KYNU: variants seen among roughly 807,000 people sequenced by gnomAD.
The protein encoded by KYNU is L-kynurenine hydrolase.
Under a neutral mutation model 59.2 loss-of-function variants are expected in KYNU, and 54 were observed. That is an observed-to-expected ratio of 0.91 (90% CI 0.73 to 1.14). The LOEUF (loss-of-function observed/expected upper bound fraction) is 1.14. Ranked by LOEUF, KYNU falls within the 50% of genes most tolerant of loss-of-function variation. KYNU has a pLI of 0.00. For missense variants in KYNU, 567 were observed against 554.4 expected, an observed-to-expected ratio of 1.02 and a Z score of -0.23; for synonymous variants, 177 against 192.0, an observed-to-expected ratio of 0.92 and a Z score of 0.65.
intron 10 of KYNU, among the ~76,000 whole-genome samples, chr2:143,019,205 A>T (rs1686340786): frequency 6.6e-6 from 1 of 151,974 alleles, no homozygotes; most frequent in South Asian, 2.1e-4. Flanking sequence ...GCATCCTTGT[A>T]TTGTTCCTAC....
At chr2:143,005,870 T>G (rs1225120281) in intron 10 of KYNU, among the ~76,000 whole-genome samples, 1 of 152,110 alleles carries the variant, frequency 6.6e-6, no homozygotes, top group Non-Finnish European at 1.5e-5. Flanking sequence ...AGGTAAAGTT[T>G]GCTGCAGTCT....
intron 11 of KYNU, among the ~76,000 whole-genome samples, chr2:143,032,295 AAAAAAACAAAAC>A (rs1352551149): frequency 9.9e-5 from 8 of 80,886 alleles, no homozygotes; most frequent in South Asian, 4.0e-4. Flanking sequence ...AAAACAAAAA[AAAAAAACAAAAC>A]AAAAAAAACT....
chr2:142,957,744 A>G, intron 7 of KYNU, 29 bp downstream of exon 7: 1 of 1,381,164 alleles, frequency 7.2e-7, no homozygotes, highest in Non-Finnish European at 1.0e-6. Context: ...AATATTTGTC[A>G]TGCTTTGTTT....
At chr2:142,888,750 T>C (rs1009784806) in intron 2 of KYNU, among the ~76,000 whole-genome samples, 1 of 151,510 alleles carries the variant, frequency 6.6e-6, no homozygotes. Context: ...TCTTAATGTC[T>C]AAGGATTCAT....
chr2:142,983,129 G>C (rs1435246896), intron 8 of KYNU, among the ~76,000 whole-genome samples: 1,662 of 152,154 alleles, frequency 0.011, 13 homozygotes, highest in Middle Eastern at 0.02. Flanking sequence ...GCAAGTCTCA[G>C]CTGAGCTCAT....
intron 12 of KYNU, among the ~76,000 whole-genome samples, chr2:143,037,525 A>G (rs1686923855): frequency 6.6e-6 from 1 of 152,180 alleles, no homozygotes; most frequent in Admixed American, 6.6e-5. Context: ...TTTCCTTTCA[A>G]ATTTCCTAGA....
rs1424905732 is a variant in KYNU at position 143,052,385 on chromosome 2, G to A, written c.*10213G>A. 1 of 152,230 alleles carries A rather than the reference G, an allele frequency of 6.6e-6. No individual in the cohort carries two copies. The highest frequency in any genetic ancestry group is 2.4e-5 in the African/African-American group (1 of 41,462). The allele number at this position is 152,230 out of a possible 1,614,324, so 9.4% of individuals were successfully genotyped here. A position where few individuals can be genotyped will look rare whatever the true frequency, so the allele number is the denominator to read the frequency against. ...TTACATAAGTAACAAGAAGCTGAATGTTAATCACTAAGACAATGAGGAAAA... is the reference window on the plus strand; with the variant it reads ...TTACATAAGTAACAAGAAGCTGAATATTAATCACTAAGACAATGAGGAAAA... On this transcript the variant is annotated 3_prime_UTR_variant, in exon 14 of 14. Coordinates refer to ENST00000264170, the MANE Select transcript of KYNU (RefSeq NM_003937.3).
At chr2:142,984,581 C>T (rs1305299867) in intron 8 of KYNU, among the ~76,000 whole-genome samples, 5 of 151,992 alleles carry the variant, frequency 3.3e-5, no homozygotes. Flanking sequence ...TTTAAGATAG[C>T]CATCCTACAT....
chr2:142,975,621 C>G (rs1188128952), intron 8 of KYNU, among the ~76,000 whole-genome samples: 1 of 152,198 alleles, frequency 6.6e-6, no homozygotes, highest in African/African-American at 2.4e-5. Context: ...ACACACTCGC[C>G]TGCATGCTCC....
intron 11 of KYNU, among the ~76,000 whole-genome samples, chr2:143,030,652 GCTGATT>G (rs961109426): frequency 7.8e-5 from 9 of 115,010 alleles, no homozygotes; most frequent in African/African-American, 2.6e-4. Context: ...TGATGATGAT[GCTGATT>G]ATTATTATTA....
chr2:142,902,818 C>T (rs1682149821), intron 2 of KYNU, among the ~76,000 whole-genome samples: 1 of 152,172 alleles, frequency 6.6e-6, no homozygotes, highest in African/African-American at 2.4e-5. Flanking sequence ...GAGCTAATGC[C>T]TGGCCAAATA....
chr2:142,940,270 T>A (rs1683555020), intron 4 of KYNU, among the ~76,000 whole-genome samples: 1 of 152,236 alleles, frequency 6.6e-6, no homozygotes, highest in South Asian at 2.1e-4. Flanking sequence ...TTTTTTCACT[T>A]TATTCAGTTT....
At chr2:142,972,813 T>TATATAC (rs1478067181) in intron 8 of KYNU, among the ~76,000 whole-genome samples, 8 of 124,200 alleles carry the variant, frequency 6.4e-5, no homozygotes, top group South Asian at 2.8e-4. Flanking sequence ...TATATATATA[T>TATATAC]AGAGAGAGAG....
chr2:142,977,337 TCAGGTGGCTAGCTTCCTG>T (rs1172582283), intron 8 of KYNU, among the ~76,000 whole-genome samples: 1 of 137,486 alleles, frequency 7.3e-6, no homozygotes, highest in East Asian at 2.1e-4. Flanking sequence ...GAATTGATTT[TCAGGTGGCTAGCTTCCTG>T]GATGGAATTT....
At chr2:142,988,881 A>T in intron 10 of KYNU, 2 of 1,608,860 alleles carry the variant, frequency 1.2e-6, no homozygotes, top group Non-Finnish European at 1.7e-6. Context: ...GGAATGCAAC[A>T]GATTTGGACA....
intron 10 of KYNU, among the ~76,000 whole-genome samples, chr2:142,987,375 A>C (rs1244157350): frequency 6.6e-6 from 1 of 151,942 alleles, no homozygotes; most frequent in Non-Finnish European, 1.5e-5. Flanking sequence ...GTTCGGAGTT[A>C]AGCTTTGACC....
intron 11 of KYNU, among the ~76,000 whole-genome samples, chr2:143,032,459 G>A (rs2104916972): frequency 6.6e-6 from 1 of 152,196 alleles, no homozygotes; most frequent in South Asian, 2.1e-4. Context: ...GATGAGATTT[G>A]GGTGGGGACT....
At chr2:143,002,998 A>G (rs1322791832) in intron 10 of KYNU, among the ~76,000 whole-genome samples, 2 of 152,104 alleles carry the variant, frequency 1.3e-5, no homozygotes, top group Non-Finnish European at 2.9e-5. Flanking sequence ...CTCCTTCCTT[A>G]TTTCCTCCTT....
At chr2:143,005,690 GA>G (rs1259367261) in intron 10 of KYNU, among the ~76,000 whole-genome samples, 1 of 151,914 alleles carries the variant, frequency 6.6e-6, no homozygotes, top group Non-Finnish European at 1.5e-5. Context: ...TTACCAAAGA[GA>G]AAAAACCTGG....
Sources: gnomAD v4.1 joint callset for allele counts (sites outside exome capture counted in the v4.1 genomes callset) on GRCh38, gnomAD v4.1.1 for gene constraint, MANE v1.5 for transcripts, NCBI Gene and HGNC (gene_info 2026-07-23, HGNC 2026-07-21) for gene names.